Variants in SHANK2 observed in about 807,000 individuals in gnomAD.
The protein encoded by SHANK2 is SH3 and multiple ankyrin repeat domains protein 2.
In SHANK2, 43 loss-of-function variants were observed where a neutral mutation model predicts 133.7. The ratio of observed to expected loss-of-function variants is 0.32; its 90% CI spans 0.25 to 0.41. The LOEUF is 0.41. Ranked by LOEUF, SHANK2 falls within the 10% of genes least tolerant of loss-of-function variation. The pLI, the probability that SHANK2 is intolerant of heterozygous loss-of-function variation, is 1.00. For missense variants in SHANK2, 1,994 were observed against 2,235.8 expected (o/e 0.89, Z 2.18); for synonymous variants, 1,017 against 952.8 (o/e 1.07, Z -1.24).
chr11:70,725,256 G>T (rs1162225895), intron 14 of SHANK2, among the ~76,000 whole-genome samples: 8 of 152,338 alleles, frequency 5.3e-5, no homozygotes, highest in Non-Finnish European at 1.2e-4. Context: ...ATTCATAAAT[G>T]CCACTAACAC....
intron 11 of SHANK2, among the ~76,000 whole-genome samples, chr11:70,892,356 TG>T (rs1555074868): frequency 6.7e-6 from 1 of 149,132 alleles, no homozygotes; most frequent in African/African-American, 2.6e-5. Context: ...CTAACTATGG[TG>T]GGGGGGACTG....
At chr11:70,788,907 ACCAC>A (rs1356853558) in intron 14 of SHANK2, among the ~76,000 whole-genome samples, 1 of 152,162 alleles carries the variant, frequency 6.6e-6, no homozygotes, top group Admixed American at 6.5e-5. Context: ...CAGCCTCACC[ACCAC>A]CCTGTCGGGT....
At chr11:70,784,293 C>T (rs568050956) in intron 14 of SHANK2, among the ~76,000 whole-genome samples, 65 of 148,344 alleles carry the variant, frequency 4.4e-4, no homozygotes, top group Admixed American at 8.8e-4. Context: ...TATTGTGCCT[C>T]GGCCCCCCAA....
intron 7 of SHANK2, among the ~76,000 whole-genome samples, chr11:71,094,195 C>T (rs926103561): frequency 2.0e-5 from 3 of 152,016 alleles, no homozygotes; most frequent in African/African-American, 7.2e-5. Flanking sequence ...ACCCACTCAG[C>T]GCTGCTCTCA....
At chr11:70,494,441 G>C (rs2058940281) in intron 21 of SHANK2, among the ~76,000 whole-genome samples, 3 of 152,098 alleles carry the variant, frequency 2.0e-5, no homozygotes, top group East Asian at 1.9e-4. Flanking sequence ...TTACAGGCGA[G>C]CACCACCATG....
Position 71,188,034 on chromosome 11 carries a change from AC to A in SHANK2, c.-13+36662del, listed in dbSNP as rs1250820259. ...TCGTGTCTTCTACTGGTATCACGAA[AC>A]TGAGGTAGGCTAACCTGGCGGGTCA... is the stretch of plus-strand genomic sequence containing the variant. On this transcript the variant is annotated intron_variant, in intron 2 of 25. Transcript: ENST00000601538. This position sits in a 1 kb window ranked among gnomAD's most constrained non-coding sequence, Gnocchi z 4.6. Among the ~76,000 whole-genome samples, 1 of 152,098 alleles carries A rather than the reference AC, an allele frequency of 6.6e-6. No individual in the cohort carries two copies. The highest frequency in any genetic ancestry group is 1.5e-5 in the Non-Finnish European group (1 of 68,014).
chr11:70,762,942 C>T (rs1050781926), intron 14 of SHANK2, among the ~76,000 whole-genome samples: 26 of 152,300 alleles, frequency 1.7e-4, no homozygotes, highest in African/African-American at 4.8e-4. Flanking sequence ...GGCCAGGCCA[C>T]GTGATGGGAG....
chr11:70,853,803 G>A (rs1159441797), intron 11 of SHANK2, among the ~76,000 whole-genome samples: 2 of 152,138 alleles, frequency 1.3e-5, no homozygotes, highest in African/African-American at 4.8e-5. Context: ...GGGCCTCTAG[G>A]AGAGGACCCT....
intron 12 of SHANK2, among the ~76,000 whole-genome samples, chr11:70,818,177 C>T (rs1948440218): frequency 6.6e-6 from 1 of 151,702 alleles, no homozygotes; most frequent in Admixed American, 6.6e-5. Flanking sequence ...CCATGATGAC[C>T]ACACACACAC....
At chr11:70,716,015 G>A (rs565420626) in intron 14 of SHANK2, among the ~76,000 whole-genome samples, 3 of 152,020 alleles carry the variant, frequency 2.0e-5, no homozygotes, top group Non-Finnish European at 2.9e-5. Context: ...TGCCCCCTAT[G>A]CCTGCCCCTC....
intron 1 of SHANK2, among the ~76,000 whole-genome samples, chr11:71,232,285 A>T (rs1555123059): frequency 6.6e-6 from 1 of 152,204 alleles, no homozygotes; most frequent in Non-Finnish European, 1.5e-5. Context: ...CCTGGTGTGG[A>T]CAGCAGCATT....
chr11:70,742,547 T>G (rs1474707232), intron 14 of SHANK2, among the ~76,000 whole-genome samples: 8 of 152,134 alleles, frequency 5.3e-5, no homozygotes, highest in African/African-American at 1.9e-4. Flanking sequence ...CATCACATAT[T>G]TAACTCCAGA....
At chr11:70,865,773 CAGAT>C (rs1409130303) in intron 11 of SHANK2, among the ~76,000 whole-genome samples, 2 of 152,240 alleles carry the variant, frequency 1.3e-5, no homozygotes, top group South Asian at 2.1e-4. Context: ...AAATGAGCCT[CAGAT>C]AGATAGATTC....
chr11:70,803,901 G>A (rs182784166), intron 13 of SHANK2, among the ~76,000 whole-genome samples: 1 of 152,112 alleles, frequency 6.6e-6, no homozygotes, highest in Non-Finnish European at 1.5e-5. Flanking sequence ...AAAAATGTTG[G>A]GGTATGTTTT....
chr11:71,079,271 G>A (rs1211241187), intron 8 of SHANK2, among the ~76,000 whole-genome samples: 2 of 152,314 alleles, frequency 1.3e-5, no homozygotes, highest in Admixed American at 1.3e-4. Flanking sequence ...GGAATTAAGG[G>A]AAGCCCGAGG....
At chr11:71,206,139 T>G (rs1555117948) in intron 2 of SHANK2, among the ~76,000 whole-genome samples, 1 of 152,174 alleles carries the variant, frequency 6.6e-6, no homozygotes, top group South Asian at 2.1e-4. Flanking sequence ...AGTACACATC[T>G]GCCCGTGCTG....
intron 17 of SHANK2, among the ~76,000 whole-genome samples, chr11:70,610,623 A>G (rs1372314187): frequency 6.6e-6 from 1 of 152,224 alleles, no homozygotes; most frequent in Non-Finnish European, 1.5e-5. Flanking sequence ...TCTCCGTTTT[A>G]TATTAATGAA....
intron 14 of SHANK2, among the ~76,000 whole-genome samples, chr11:70,733,448 C>A (rs1347659959): frequency 6.6e-6 from 1 of 152,222 alleles, no homozygotes; most frequent in Admixed American, 6.5e-5. Flanking sequence ...TGAGAGGCTC[C>A]ATCCCTTTCT....
rs534186858 is a variant in SHANK2, at chr11:70,554,773, C to A, written c.2062-51842G>T. On this transcript the variant is annotated intron_variant, in intron 17 of 25. Transcript: ENST00000601538. Reference sequence around the variant, plus strand: ...GCGCCACTGCCCAACAATGGCTGTGCCCCATCTTTCACCCTCCCTGCCCCC... The same window carrying A: ...GCGCCACTGCCCAACAATGGCTGTGACCCATCTTTCACCCTCCCTGCCCCC... 1.5e-4 allele frequency among the ~76,000 whole-genome samples: 23 copies of A among 152,168 alleles called. No homozygotes were observed. The South Asian group carries it at 4.1e-3, about 27-fold the overall frequency.
Sources: gnomAD v4.1 joint callset for allele counts (sites outside exome capture counted in the v4.1 genomes callset) on GRCh38, gnomAD v4.1.1 for gene constraint, Gnocchi (gnomAD v3.1) non-coding constraint, MANE v1.5 for transcripts, NCBI Gene and HGNC (gene_info 2026-07-23, HGNC 2026-07-21) for gene names.